Variants in DDX39B observed in about 807,000 individuals in gnomAD.
The protein encoded by DDX39B is spliceosome RNA helicase DDX39B.
DDX39B carries 6 observed loss-of-function variants against 46.4 expected under a neutral mutation model. The ratio of observed to expected loss-of-function variants is 0.13; its 90% CI spans 0.07 to 0.26. The LOEUF is 0.26. Ranked by LOEUF, DDX39B falls within the 10% of genes least tolerant of loss-of-function variation. The probability of loss-of-function intolerance (pLI) is 1.00; values close to 1 mark genes in which losing one functional copy is unlikely to be tolerated. For missense variants in DDX39B, 185 were observed against 553.4 expected (o/e 0.33, Z 6.68); for synonymous variants, 174 against 199.4 (o/e 0.87, Z 1.07).
intron 2 of DDX39B, among the ~76,000 whole-genome samples, chr6:31,539,514 T>C (rs770533129): frequency 2.2e-4 from 33 of 152,194 alleles, no homozygotes; most frequent in Non-Finnish European, 3.4e-4. Flanking sequence ...CCAGTCCTAG[T>C]AACAAACCCC....
chr6:31,541,755 G>C, intron 1 of DDX39B, 195 bp downstream of exon 1: 2 of 641,370 alleles, frequency 3.1e-6, no homozygotes, highest in Non-Finnish European at 3.0e-6. Flanking sequence ...TCTTGGATTG[G>C]GTCCCCCCTT....
chr6:31,540,917 C>A, intron 1 of DDX39B: 1 of 400,354 alleles, frequency 2.5e-6, no homozygotes, highest in Non-Finnish European at 4.7e-6. Flanking sequence ...AAGGGGAAGA[C>A]CAACTTATAA....
chr6:31,541,298 C>T, intron 1 of DDX39B: 1 of 462,958 alleles, frequency 2.2e-6, no homozygotes, highest in South Asian at 1.6e-5. Flanking sequence ...AATGGCTCGG[C>T]CACAAAAAAA....
chr6:31,534,450 C>T lies in DDX39B; in HGVS notation c.735+917G>A, dbSNP rs539489637. 3.2e-5 allele frequency: 15 copies of T among 470,990 alleles called. No individual in the cohort carries two copies. The highest frequency in any genetic ancestry group is 2.8e-4 in the East Asian group (4 of 14,392). The allele number at this position is 470,990 out of a possible 1,614,324, so 29.2% of individuals were successfully genotyped here. On this transcript the variant is annotated intron_variant, in intron 6 of 10. Coordinates refer to ENST00000396172, the MANE Select transcript of DDX39B (RefSeq NM_004640.7). The surrounding 1 kb of genome is among the most constrained non-coding windows in gnomAD (Gnocchi z 5.1). The stretch of plus-strand genomic sequence containing the variant: ...TTATGCAATTGGCCCCACCTAGCCC[C>T]AAACCCTAACAACCACCCGATTACA...
chr6:31,530,259 G>C lies in DDX39B; in HGVS notation c.*175C>G, dbSNP rs2150323033. On this transcript the variant is annotated 3_prime_UTR_variant, in exon 11 of 11. Transcript: ENST00000396172. The surrounding 1 kb of genome is among the most constrained non-coding windows in gnomAD (Gnocchi z 4.5). Reference sequence around the variant, plus strand: ...ACACATGTGTTTCATTTTTAGTTTTGTTAAAAAAAAATTCTGACAAATCAG... The same window carrying C: ...ACACATGTGTTTCATTTTTAGTTTTCTTAAAAAAAAATTCTGACAAATCAG... 6 of 892,060 alleles carry C rather than the reference G, an allele frequency of 6.7e-6. No individual in the cohort carries two copies. The highest frequency in any genetic ancestry group is 1.7e-5 in the African/African-American group (1 of 58,320). The allele number at this position is 892,060 out of a possible 1,614,324, so 55.3% of individuals were successfully genotyped here.
chr6:31,530,375 C>T lies in DDX39B; in HGVS notation c.*59G>A, dbSNP rs1428432778. ...TGGGGGCAGTAGTGTCTCCTTCACC[C>T]CCACCCTGGTGTCCTCTCCTGAAGG... On this transcript the variant is annotated 3_prime_UTR_variant, in exon 11 of 11. Coordinates refer to ENST00000396172, the MANE Select transcript of DDX39B (RefSeq NM_004640.7). The surrounding 1 kb of genome is among the most constrained non-coding windows in gnomAD (Gnocchi z 4.5). 2.6e-5 allele frequency: 41 copies of T among 1,607,270 alleles called. No individual in the cohort carries two copies. Among genetic ancestry groups the T allele is most frequent in the Non-Finnish European group, 3.3e-5 (39 of 1,176,454 alleles).
chr6:31,540,764 T>A (rs1466234741), intron 1 of DDX39B, 100 bp from the exon 2 acceptor site: 12 of 574,560 alleles, frequency 2.1e-5, no homozygotes, highest in Non-Finnish European at 3.4e-5. Flanking sequence ...CAGGAAACTT[T>A]TACCTGGAAA....
intron 1 of DDX39B, chr6:31,541,425 G>A (rs146542216): frequency 1.4e-4 from 53 of 370,358 alleles, no homozygotes; most frequent in African/African-American, 1.0e-3. Flanking sequence ...GTTACGCTAC[G>A]AAGGTGAGAC....
chr6:31,533,733 C>T (rs1767451437), intron 6 of DDX39B: 1 of 152,342 alleles, frequency 6.6e-6, no homozygotes, highest in African/African-American at 2.4e-5. Context: ...AATTCCTGGG[C>T]TCAAGTGATC....
chr6:31,530,873 G>A lies in DDX39B; in HGVS notation c.1176C>T (p.Ser392=), dbSNP rs747572088. The change falls in exon 10 of 11, where the codon TCC becomes TCT. Residue 392 remains serine, a synonymous_variant. Transcript: ENST00000396172. This position sits in a 1 kb window ranked among gnomAD's most constrained non-coding sequence, Gnocchi z 4.5. ...TGAGGATCTTGGCATCATTCTCATC[G>A]GACACAAATGTGATAGCCAAGCCCT... ...GTKGLAITFV[S]DENDAKILND... The A allele has an allele frequency of 1.2e-5, 20 of 1,613,918 alleles. No homozygotes were observed. Among genetic ancestry groups the A allele is most frequent in the South Asian group, 3.3e-5 (3 of 91,074 alleles).
At chr6:31,538,393 T>C (rs1768020129) in intron 4 of DDX39B, among the ~76,000 whole-genome samples, 1 of 152,176 alleles carries the variant, frequency 6.6e-6, no homozygotes, top group Non-Finnish European at 1.5e-5. Context: ...TGACCTCAAA[T>C]AATCCACACG....
chr6:31,531,433 A>C lies in DDX39B; in HGVS notation c.868-28T>G, dbSNP rs748349525. The C allele has an allele frequency of 6.2e-7, 1 of 1,606,892 alleles. No individual in the cohort carries two copies. Among genetic ancestry groups the C allele is most frequent in the Non-Finnish European group, 8.5e-7 (1 of 1,173,640 alleles). Reference sequence around the variant, plus strand: ...GTTGTGGGGTGGGGTGGGGGGTCGCAAATTGGGGGAATAGGGGTCCATGGT... The same window carrying C: ...GTTGTGGGGTGGGGTGGGGGGTCGCCAATTGGGGGAATAGGGGTCCATGGT... On this transcript the variant is annotated intron_variant, in intron 7 of 10. Coordinates refer to ENST00000396172, the MANE Select transcript of DDX39B (RefSeq NM_004640.7). This position sits in a 1 kb window ranked among gnomAD's most constrained non-coding sequence, Gnocchi z 5.8.
rs372300280 is a variant in DDX39B at position 31,531,167 on chromosome 6, A to G, written c.1008T>C (p.Phe336=). ...RLSRYQQFKD[F]QRRILVATNL... is the part of the protein sequence containing the mutation. Reference sequence around the variant, plus strand: ...TGGTAGCCACAAGAATTCGTCGTTGAAAATCTTTAAACTGCTGATACCGAG... The same window carrying G: ...TGGTAGCCACAAGAATTCGTCGTTGGAAATCTTTAAACTGCTGATACCGAG... Residue 336 remains phenylalanine (F), a synonymous_variant, in exon 9 of 11, where the codon TTT becomes TTC. Coordinates refer to ENST00000396172, the MANE Select transcript of DDX39B (RefSeq NM_004640.7). The surrounding 1 kb of genome is among the most constrained non-coding windows in gnomAD (Gnocchi z 5.8). 1 of 1,614,220 alleles carries G rather than the reference A, an allele frequency of 6.2e-7. No individual in the cohort carries two copies. Among genetic ancestry groups the G allele is most frequent in the African/African-American group, 1.3e-5 (1 of 75,050 alleles).
rs1304983318 is a variant in DDX39B at position 31,531,527 on chromosome 6, C to T, written c.868-122G>A. The T allele has an allele frequency of 2.6e-6, 2 of 770,280 alleles. No homozygotes were observed. Among genetic ancestry groups the T allele is most frequent in the East Asian group, 2.7e-5 (1 of 37,654 alleles). 47.7% of individuals were successfully genotyped at this position (770,280 alleles called of 1,614,324 possible). Reference sequence around the variant, plus strand: ...CGTTCTCAGGAATTCCTCTTCATTTCTCTTATTCCCCCACTATATATTTAG... The same window carrying T: ...CGTTCTCAGGAATTCCTCTTCATTTTTCTTATTCCCCCACTATATATTTAG... On this transcript the variant is annotated intron_variant, in intron 7 of 10. Transcript: ENST00000396172. The surrounding 1 kb of genome is among the most constrained non-coding windows in gnomAD (Gnocchi z 5.8).
Position 31,535,420 on chromosome 6 carries a change from T to C in DDX39B, c.682A>G (p.Ser228Gly). 1.2e-6 allele frequency: 2 copies of C among 1,613,336 alleles called. No individual in the cohort carries two copies. The highest frequency in any genetic ancestry group is 1.7e-6 in the Non-Finnish European group (2 of 1,179,932). ...TPHEKQVMMF[S>G]ATLSKEIRPV... ...CGGATCTCTTTGCTCAAGGTAGCAC[T>C]GAACATCATGACCTGCTTCTCGTGG... Residue 228 changes from serine (S) to glycine (G), a missense_variant, in exon 6 of 11, where the codon AGT becomes GGT. Physicochemically the swap from Ser to Gly is moderately conservative, Grantham distance 56 (BLOSUM62 0). Transcript: ENST00000396172. This position sits in a 1 kb window ranked among gnomAD's most constrained non-coding sequence, Gnocchi z 4.6.
Position 31,541,845 on chromosome 6 carries a change from A to C in DDX39B, c.-133+105T>G, listed in dbSNP as rs1036539095. The C allele has an allele frequency of 1.2e-4, 77 of 642,694 alleles. No individual in the cohort carries two copies. The African/African-American group carries it at 1.3e-3, about 11-fold the overall frequency. The allele number at this position is 642,694 out of a possible 1,614,324, so 39.8% of individuals were successfully genotyped here. A position where few individuals can be genotyped will look rare whatever the true frequency, so the allele number is the denominator to read the frequency against. ...GGAAATAGCGAACCAACTAGGCCCC[A>C]GCGACCAGACCATCGCCTGTGAAAA... On this transcript the variant is annotated intron_variant, in intron 1 of 10. Coordinates refer to ENST00000396172, the MANE Select transcript of DDX39B (RefSeq NM_004640.7).
intron 6 of DDX39B, chr6:31,533,508 G>A (rs1443114087): frequency 1.3e-5 from 2 of 155,234 alleles, no homozygotes; most frequent in African/African-American, 4.8e-5. Flanking sequence ...TGAGTTACTT[G>A]CCGTCAGACC....
At chr6:31,532,954 T>TG (rs963229752) in intron 6 of DDX39B, 43 bp from the exon 7 acceptor site, 1 of 148,044 alleles carries the variant, frequency 6.8e-6, no homozygotes, top group Non-Finnish European at 1.2e-5. Flanking sequence ...GAGGGCAGAG[T>TG]GGGGGGGTTA....
In DDX39B at chr6:31,532,761, T is replaced by C; in HGVS notation, c.867+19A>G. 1 of 1,609,680 alleles carries C rather than the reference T, an allele frequency of 6.2e-7. No homozygotes were observed. The highest frequency in any genetic ancestry group is 1.1e-5 in the South Asian group (1 of 90,958). ...TGGAGTGCTCCAATGCTCATCCCCCTACTGGACGTCTAACTGACCTGGTTG... is the reference window on the plus strand; with the variant it reads ...TGGAGTGCTCCAATGCTCATCCCCCCACTGGACGTCTAACTGACCTGGTTG... On this transcript the variant is annotated intron_variant, in intron 7 of 10. Coordinates refer to ENST00000396172, the MANE Select transcript of DDX39B (RefSeq NM_004640.7).
Sources: gnomAD v4.1 joint callset for allele counts (sites outside exome capture counted in the v4.1 genomes callset) on GRCh38, gnomAD v4.1.1 for gene constraint, Gnocchi (gnomAD v3.1) non-coding constraint, MANE v1.5 for transcripts, NCBI Gene and HGNC (gene_info 2026-07-23, HGNC 2026-07-21) for gene names.